BMPR1B: variants seen among roughly 807,000 people sequenced by gnomAD.
The protein encoded by BMPR1B is bone morphogenetic protein receptor type-1B.
BMPR1B carries 12 observed loss-of-function variants against 59.1 expected under a neutral mutation model. The ratio of observed to expected loss-of-function variants is 0.20; its 90% CI spans 0.13 to 0.33. The LOEUF (loss-of-function observed/expected upper bound fraction) is 0.33. Ranked by LOEUF, BMPR1B falls within the 10% of genes least tolerant of loss-of-function variation. The pLI, the probability that BMPR1B is intolerant of heterozygous loss-of-function variation, is 1.00. For missense variants in BMPR1B, 550 were observed against 610.9 expected (o/e 0.90, Z 1.05); for synonymous variants, 237 against 207.3 (o/e 1.14, Z -1.23).
intron 1 of BMPR1B, among the ~76,000 whole-genome samples, chr4:94,787,594 A>G (rs1722808142): frequency 6.6e-6 from 1 of 152,218 alleles, no homozygotes; most frequent in Non-Finnish European, 1.5e-5. Flanking sequence ...CATCAAATGA[A>G]ACACAAAAAC....
chr4:94,831,241 A>ACAACAACAACAAC (rs1220976628), intron 1 of BMPR1B, among the ~76,000 whole-genome samples: 1 of 118,316 alleles, frequency 8.5e-6, no homozygotes, highest in Non-Finnish European at 2.0e-5. Context: ...AGTAAAAAAA[A>ACAACAACAACAAC]AAAAAAAAAA....
intron 1 of BMPR1B, among the ~76,000 whole-genome samples, chr4:94,780,303 C>A (rs1483848101): frequency 1.3e-5 from 2 of 152,154 alleles, no homozygotes; most frequent in Non-Finnish European, 2.9e-5. Context: ...GCTTTCTTCA[C>A]TTAGCATATT....
chr4:94,761,137 A>G (rs181780702), intron 1 of BMPR1B, among the ~76,000 whole-genome samples: 178 of 152,316 alleles, frequency 1.2e-3, no homozygotes, highest in African/African-American at 4.0e-3. Flanking sequence ...AAATATGTCT[A>G]TAATTAGAAG....
chr4:94,832,819 T>C (rs1263296507), intron 1 of BMPR1B, among the ~76,000 whole-genome samples: 1 of 151,656 alleles, frequency 6.6e-6, no homozygotes, highest in Admixed American at 6.6e-5. Flanking sequence ...GTGCAGTGTA[T>C]TGGGAACATA....
At chr4:95,029,113 ATACTT>A (rs1293402374) in intron 3 of BMPR1B, among the ~76,000 whole-genome samples, 7 of 151,572 alleles carry the variant, frequency 4.6e-5, no homozygotes, top group African/African-American at 7.3e-5. Flanking sequence ...TATTGTTACT[ATACTT>A]TAAGTTTTAG....
At position 95,097,583 on chromosome 4, in the gene BMPR1B, G is replaced by C. The variant is rs531117073; in HGVS notation, c.-17-6825G>C. ...AGACAGAGTCTCGATCTGTCGCCAG[G>C]CTGGAGTGCAGTGGTGTGATCTCAG... is the stretch of plus-strand genomic sequence containing the variant. On this transcript the variant is annotated intron_variant, in intron 3 of 12. Coordinates refer to ENST00000515059, the MANE Select transcript of BMPR1B (RefSeq NM_001203.3). Among the ~76,000 whole-genome samples, 675 of 152,088 alleles carry C rather than the reference G, an allele frequency of 4.4e-3. 3 individuals carry two copies. Among genetic ancestry groups the C allele is most frequent in the Non-Finnish European group, 6.1e-3 (417 of 67,986 alleles).
chr4:94,890,978 C>T (rs1358529295), intron 2 of BMPR1B, among the ~76,000 whole-genome samples: 1 of 151,854 alleles, frequency 6.6e-6, no homozygotes, highest in Non-Finnish European at 1.5e-5. Context: ...AGCATGTGCC[C>T]CTAAAACTTA....
At position 95,128,158 on chromosome 4, in the gene BMPR1B, T is replaced by C. The variant is rs1012231208; in HGVS notation, c.586-1704T>C. 6.6e-5 allele frequency among the ~76,000 whole-genome samples: 10 copies of C among 152,248 alleles called. No homozygotes were observed. In the South Asian group the frequency reaches 2.1e-3, roughly 32 times the overall value. ...TCCACAGCCTCCCAAAGTGCTGGGA[T>C]TACAGGCATGAGCCACCGTGCCCAG... is the stretch of plus-strand genomic sequence containing the variant. On this transcript the variant is annotated intron_variant, in intron 8 of 12. Transcript: ENST00000515059.
intron 4 of BMPR1B, among the ~76,000 whole-genome samples, chr4:95,112,534 A>G (rs1731702773): frequency 6.6e-6 from 1 of 152,184 alleles, no homozygotes; most frequent in Non-Finnish European, 1.5e-5. Flanking sequence ...GAGCAATGTC[A>G]GTGAGGAGCA....
rs1416959162 is a variant in BMPR1B at position 95,148,761 on chromosome 4, G to T, written c.1090G>T (p.Val364Phe). ...AVKFISDTNE[V>F]DIPPNTRVGT... is the part of the protein sequence containing the mutation. The stretch of plus-strand genomic sequence containing the variant: ...CTTTTTCCTTAGTGATACAAATGAA[G>T]TTGACATACCACCTAACACTCGAGT... The change falls in exon 11 of 13, where the codon GTT (valine) becomes TTT (phenylalanine). Residue 364 changes from valine (V) to phenylalanine (F), a missense_variant. Coordinates refer to ENST00000515059, the MANE Select transcript of BMPR1B (RefSeq NM_001203.3). The T allele has an allele frequency of 6.2e-7, 1 of 1,613,780 alleles. No individual in the cohort carries two copies. Among genetic ancestry groups the T allele is most frequent in the Admixed American group, 1.7e-5 (1 of 59,966 alleles).
At chr4:95,080,116 G>A (rs373317102) in intron 3 of BMPR1B, among the ~76,000 whole-genome samples, 52 of 152,042 alleles carry the variant, frequency 3.4e-4, no homozygotes, top group African/African-American at 1.1e-3. Flanking sequence ...CAAAAATTAC[G>A]TTTTCTTAAT....
intron 2 of BMPR1B, among the ~76,000 whole-genome samples, chr4:94,983,462 A>ATCTTATTTTT (rs1721223586): frequency 6.6e-6 from 1 of 152,220 alleles, no homozygotes; most frequent in Non-Finnish European, 1.5e-5. Context: ...TCATAATTAC[A>ATCTTATTTTT]TCTTATTTTT....
intron 2 of BMPR1B, among the ~76,000 whole-genome samples, chr4:94,974,581 C>T (rs1397931545): frequency 6.6e-6 from 1 of 152,166 alleles, no homozygotes; most frequent in Non-Finnish European, 1.5e-5. Context: ...TTTTCCTTTG[C>T]TTCACATCTC....
chr4:94,849,921 C>T (rs750537971), intron 1 of BMPR1B, among the ~76,000 whole-genome samples: 8 of 152,024 alleles, frequency 5.3e-5, no homozygotes, highest in African/African-American at 9.7e-5. Context: ...CGTAGACCAG[C>T]TGTTGCCTGT....
intron 3 of BMPR1B, among the ~76,000 whole-genome samples, chr4:95,039,135 T>C (rs1725467087): frequency 6.6e-6 from 1 of 152,202 alleles, no homozygotes; most frequent in Admixed American, 6.5e-5. Context: ...TATTTTTCCA[T>C]TTTTATTAGT....
At chr4:94,930,080 A>G (rs1277765217) in intron 2 of BMPR1B, among the ~76,000 whole-genome samples, 2 of 152,038 alleles carry the variant, frequency 1.3e-5, no homozygotes, top group Non-Finnish European at 2.9e-5. Flanking sequence ...ACTGTTTAGG[A>G]TTACATCGTT....
At chr4:94,934,198 C>G (rs532948265) in intron 2 of BMPR1B, among the ~76,000 whole-genome samples, 3 of 152,118 alleles carry the variant, frequency 2.0e-5, no homozygotes, top group Non-Finnish European at 4.4e-5. Context: ...TTCAGAGATT[C>G]ATCATATGAA....
intron 3 of BMPR1B, among the ~76,000 whole-genome samples, chr4:95,005,871 T>C (rs973615904): frequency 1.7e-4 from 26 of 152,360 alleles, no homozygotes; most frequent in African/African-American, 5.8e-4. Context: ...ACATGTGTTA[T>C]AAAATGTAAA....
intron 3 of BMPR1B, among the ~76,000 whole-genome samples, chr4:95,030,638 A>G (rs1199058134): frequency 6.6e-6 from 1 of 152,092 alleles, no homozygotes; most frequent in Non-Finnish European, 1.5e-5. Context: ...CTCAGCCCAA[A>G]ATCTCCTTAA....
Sources: gnomAD v4.1 joint callset for allele counts (sites outside exome capture counted in the v4.1 genomes callset) on GRCh38, gnomAD v4.1.1 for gene constraint, MANE v1.5 for transcripts, NCBI Gene and HGNC (gene_info 2026-07-23, HGNC 2026-07-21) for gene names.